PTPRJ: variants seen among roughly 807,000 people sequenced by gnomAD.
The protein encoded by PTPRJ is protein tyrosine phosphatase receptor type J.
PTPRJ carries 129 observed loss-of-function variants against 141.3 expected under a neutral mutation model. That is an observed-to-expected ratio of 0.91 (90% confidence interval 0.79 to 1.06). PTPRJ has a LOEUF of 1.06. PTPRJ is among the 50% of genes least tolerant of loss of function. PTPRJ has a pLI of 0.00. For missense variants in PTPRJ, 1,601 were observed against 1,679.7 expected, an observed-to-expected ratio of 0.95 and a Z score of 0.82; for synonymous variants, 610 against 640.5, an observed-to-expected ratio of 0.95 and a Z score of 0.72.
Position 47,980,891 on chromosome 11 carries a change from C to A in PTPRJ, c.-22C>A, listed in dbSNP as rs1853883006. 1 of 1,135,332 alleles carries A rather than the reference C, an allele frequency of 8.8e-7. No homozygotes were observed. The highest frequency in any genetic ancestry group is 4.5e-5 in the East Asian group (1 of 22,008). 70.3% of individuals were successfully genotyped at this position (1,135,332 alleles called of 1,614,324 possible). Reference sequence around the variant, plus strand: ...CGGGGCCCGATTCGCGCGTCCGGGGCACGTTCCAGGGCGCGCGGGGCATGA... The same window carrying A: ...CGGGGCCCGATTCGCGCGTCCGGGGAACGTTCCAGGGCGCGCGGGGCATGA... On this transcript the variant is annotated 5_prime_UTR_variant, in exon 1 of 25. Coordinates refer to ENST00000418331, the MANE Select transcript of PTPRJ (RefSeq NM_002843.4).
At chr11:48,128,762 G>A (rs1050645052) in intron 7 of PTPRJ, among the ~76,000 whole-genome samples, 7 of 152,262 alleles carry the variant, frequency 4.6e-5, no homozygotes, top group African/African-American at 1.4e-4. Flanking sequence ...TTTGCCCAAA[G>A]CCACAGAGCT....
intron 1 of PTPRJ, among the ~76,000 whole-genome samples, chr11:48,038,540 G>A (rs1172165970): frequency 2.6e-5 from 4 of 151,662 alleles, no homozygotes; most frequent in African/African-American, 9.7e-5. Context: ...CACCCAGGCT[G>A]GAGTGCAGTG....
intron 1 of PTPRJ, among the ~76,000 whole-genome samples, chr11:48,059,869 A>G (rs761188589): frequency 6.6e-6 from 1 of 152,208 alleles, no homozygotes; most frequent in East Asian, 1.9e-4. Context: ...CTTGGCTTCA[A>G]GAATCTGTGC....
At chr11:48,064,233 T>G (rs370192786) in intron 1 of PTPRJ, among the ~76,000 whole-genome samples, 2 of 152,248 alleles carry the variant, frequency 1.3e-5, no homozygotes, top group African/African-American at 4.8e-5. Context: ...GTCCTGTTTC[T>G]TCTTCATGTA....
chr11:48,009,033 A>G (rs950129874), intron 1 of PTPRJ, among the ~76,000 whole-genome samples: 3 of 152,222 alleles, frequency 2.0e-5, no homozygotes, highest in African/African-American at 7.2e-5. Flanking sequence ...CTTGTATAAG[A>G]TAAGTCACAC....
At chr11:48,157,718 G>C (rs1003569012) in intron 21 of PTPRJ, among the ~76,000 whole-genome samples, 1 of 152,364 alleles carries the variant, frequency 6.6e-6, no homozygotes, top group East Asian at 1.9e-4. Flanking sequence ...TGTGCTAGGG[G>C]CTGAGGATGG....
At chr11:48,071,902 A>ATTTTTTT (rs35087042) in intron 1 of PTPRJ, among the ~76,000 whole-genome samples, 1 of 82,552 alleles carries the variant, frequency 1.2e-5, no homozygotes, top group African/African-American at 5.0e-5. Flanking sequence ...ACGCCTGGCC[A>ATTTTTTT]TTTTTTTTTT....
chr11:48,069,279 T>A (rs554651803), intron 1 of PTPRJ, among the ~76,000 whole-genome samples: 2 of 150,402 alleles, frequency 1.3e-5, no homozygotes, highest in South Asian at 4.2e-4. Context: ...TTTGTGTTTT[T>A]AGTAGAGATG....
chr11:48,137,219 T>C lies in PTPRJ; in HGVS notation c.2090T>C (p.Ile697Thr). 6.2e-7 allele frequency: 1 copy of C among 1,614,032 alleles called. No homozygotes were observed. Among genetic ancestry groups the C allele is most frequent in the African/African-American group, 1.3e-5 (1 of 75,004 alleles). ...LIPGSSYTVE[I>T]FAQVGDGIKS... ...CCTGGCTCATCATACACAGTGGAGA[T>C]CTTTGCACAAGTAGGGGATGGGATC... Residue 697 changes from isoleucine to threonine, a missense_variant, in exon 10 of 25, where the codon ATC becomes ACC. By Grantham distance (89) the Ile-to-Thr change is moderately conservative (BLOSUM62 -1). Coordinates refer to ENST00000418331, the MANE Select transcript of PTPRJ (RefSeq NM_002843.4).
chr11:48,123,928 AT>A, intron 5 of PTPRJ, 58 bp downstream of exon 5: 1 of 1,512,056 alleles, frequency 6.6e-7, no homozygotes, highest in Non-Finnish European at 9.0e-7. Flanking sequence ...CAGTAACTAA[AT>A]GTTCTAAAAA....
intron 22 of PTPRJ, 149 bp downstream of exon 22, chr11:48,160,198 T>C (rs925134222): frequency 8.9e-7 from 1 of 1,119,128 alleles, no homozygotes; most frequent in African/African-American, 1.6e-5. Flanking sequence ...ACAATCCATA[T>C]GCATGTATAC....
intron 1 of PTPRJ, among the ~76,000 whole-genome samples, chr11:48,105,003 G>C (rs1856250548): frequency 6.6e-6 from 1 of 152,130 alleles, no homozygotes; most frequent in African/African-American, 2.4e-5. Flanking sequence ...TGGGATTATT[G>C]TAAGGCTTGA....
rs534280639 is a variant in PTPRJ, at chr11:47,990,200, A to G, written c.96+9192A>G. Among the ~76,000 whole-genome samples the G allele has an allele frequency of 6.6e-5, 10 of 152,306 alleles. No individual in the cohort carries two copies. The South Asian group carries it at 1.5e-3, about 22-fold the overall frequency. ...TCATTTATAAGAATGAGTTACAGCT[A>G]TAGGTGCAGGCGGTAAATACTCTCC... On this transcript the variant is annotated intron_variant, in intron 1 of 24. Transcript: ENST00000418331.
At chr11:48,110,270 C>A (rs1221757054) in intron 2 of PTPRJ, among the ~76,000 whole-genome samples, 194 bp downstream of exon 2, 1 of 151,948 alleles carries the variant, frequency 6.6e-6, no homozygotes, top group Non-Finnish European at 1.5e-5. Flanking sequence ...GCAGTGGTGC[C>A]ATCTCGGCTC....
At chr11:48,159,123 G>GGTGTGTGTC (rs1555058316) in intron 21 of PTPRJ, among the ~76,000 whole-genome samples, 2 of 139,468 alleles carry the variant, frequency 1.4e-5, no homozygotes, top group Non-Finnish European at 3.1e-5. Flanking sequence ...TGTATGTGGG[G>GGTGTGTGTC]TGTGTGTGTG....
intron 19 of PTPRJ, among the ~76,000 whole-genome samples, chr11:48,154,643 C>T (rs1176564184): frequency 6.6e-6 from 1 of 152,164 alleles, no homozygotes; most frequent in East Asian, 1.9e-4. Context: ...ATCAGGACGT[C>T]ATCATCTTTA....
At chr11:48,119,298 C>G (rs567650757) in intron 3 of PTPRJ, among the ~76,000 whole-genome samples, 1 of 152,332 alleles carries the variant, frequency 6.6e-6, no homozygotes, top group East Asian at 1.9e-4. Context: ...GAAATTCAAG[C>G]TTGGAGGGGC....
chr11:48,146,521 G>A (rs1857354409), intron 14 of PTPRJ, among the ~76,000 whole-genome samples: 1 of 152,188 alleles, frequency 6.6e-6, no homozygotes, highest in South Asian at 2.1e-4. Flanking sequence ...TCATATGTGG[G>A]TGCTAGTCTC....
At chr11:48,018,247 T>A (rs1167518224) in intron 1 of PTPRJ, among the ~76,000 whole-genome samples, 1 of 151,942 alleles carries the variant, frequency 6.6e-6, no homozygotes, top group Non-Finnish European at 1.5e-5. Context: ...CTGTTCAACA[T>A]GACTTCTTTT....
Sources: allele counts gnomAD v4.1 joint callset (sites outside exome capture counted in the v4.1 genomes callset), GRCh38; gene constraint gnomAD v4.1.1; transcripts MANE v1.5; gene names NCBI Gene and HGNC (gene_info 2026-07-23, HGNC 2026-07-21).